Variants in KLHL4 observed in about 807,000 individuals in gnomAD.
KLHL4 encodes kelch-like protein 4.
In KLHL4, 17 loss-of-function variants were observed where a neutral mutation model predicts 45.8. The observed-to-expected ratio is 0.37, with a 90% CI of 0.25 to 0.56. The LOEUF (loss-of-function observed/expected upper bound fraction) is 0.56. Ranked by LOEUF, KLHL4 falls within the 20% of genes least tolerant of loss-of-function variation. The probability of loss-of-function intolerance (pLI) is 0.79; values close to 1 mark genes in which losing one functional copy is unlikely to be tolerated. For synonymous variants in KLHL4, 224 were observed against 189.9 expected (o/e 1.18, Z -1.47); for missense variants, 544 against 544.9 (o/e 1.00, Z 0.02).
At chrX:87,575,283 T>C (rs113627379) in intron 1 of KLHL4, among the ~76,000 whole-genome samples, 115 of 111,381 alleles carry the variant, frequency 1.0e-3, no homozygotes, top group African/African-American at 3.3e-3. Flanking sequence ...GCAGCAGCAT[T>C]AGATTCTCAT....
intron 1 of KLHL4, among the ~76,000 whole-genome samples, chrX:87,566,623 ATATG>A (rs1932216882): frequency 9.0e-6 from 1 of 111,595 alleles, no homozygotes; most frequent in Non-Finnish European, 1.9e-5. Context: ...TTGCTACTGA[ATATG>A]TATCACTGTT....
chrX:87,518,072 A>G lies in KLHL4; in HGVS notation c.179A>G (p.Asn60Ser). 1 of 1,211,674 alleles carries G rather than the reference A, an allele frequency of 8.3e-7. No individual in the cohort carries two copies. The highest frequency in any genetic ancestry group is 1.1e-6 in the Non-Finnish European group (1 of 895,474). Reference sequence around the variant, plus strand: ...TTGAAGAGCCACTCTCGGGACAGAAACGGACTGAAGAAAAGCAACAGTCCT... The same window carrying G: ...TTGAAGAGCCACTCTCGGGACAGAAGCGGACTGAAGAAAAGCAACAGTCCT... The part of the protein sequence containing the change: ...GRLKSHSRDR[N>S]GLKKSNSPVH... Residue 60 changes from asparagine to serine, a missense_variant, in exon 1 of 11, where the codon AAC (asparagine) becomes AGC (serine). Physicochemically the swap from Asn to Ser is conservative, Grantham distance 46. Coordinates refer to ENST00000373119, the MANE Select transcript of KLHL4 (RefSeq NM_019117.5).
chrX:87,561,409 G>A (rs1291319614), intron 1 of KLHL4, among the ~76,000 whole-genome samples: 1 of 111,337 alleles, frequency 9.0e-6, no homozygotes, highest in Non-Finnish European at 1.9e-5. Flanking sequence ...ACATTGGAAC[G>A]CAGTGCCGAC....
rs5969273 is a variant in KLHL4, at chrX:87,637,733, G to A, written c.1925+1958G>A. 6.9e-3 allele frequency among the ~76,000 whole-genome samples: 773 copies of A among 111,720 alleles called. 7 individuals are homozygous for A. Among genetic ancestry groups the A allele is most frequent in the African/African-American group, 0.024 (730 of 30,713 alleles). ...GAAGGTCAAAGTTGGAGGATCATCT[G>A]AGATCAGGAGTTTGAGACCAGCCTG... On this transcript the variant is annotated intron_variant, in intron 9 of 10. Coordinates refer to ENST00000373119, the MANE Select transcript of KLHL4 (RefSeq NM_019117.5).
intron 1 of KLHL4, among the ~76,000 whole-genome samples, chrX:87,602,216 GTAAC>G (rs1922041930): frequency 9.0e-6 from 1 of 110,736 alleles, no homozygotes; most frequent in Non-Finnish European, 1.9e-5. Context: ...TTAGCTTACT[GTAAC>G]TAAATAAGCT....
In KLHL4 at chrX:87,518,132, C is replaced by T. The variant is rs745611108; in HGVS notation, c.239C>T (p.Pro80Leu). ...HHNILAPVPG[P>L]APAHQRAVQN... ...AATATACTGGCACCAGTGCCAGGACCGGCCCCTGCCCATCAGAGAGCCGTT... is the reference window on the plus strand; with the variant it reads ...AATATACTGGCACCAGTGCCAGGACTGGCCCCTGCCCATCAGAGAGCCGTT... Residue 80 changes from proline (P) to leucine (L), a missense_variant, in exon 1 of 11, where the codon CCG becomes CTG. Coordinates refer to ENST00000373119, the MANE Select transcript of KLHL4 (RefSeq NM_019117.5). 3 of 1,211,669 alleles carry T rather than the reference C, an allele frequency of 2.5e-6. No individual in the cohort carries two copies. Among genetic ancestry groups the T allele is most frequent in the Admixed American group, 4.3e-5 (2 of 46,001 alleles).
In KLHL4 at chrX:87,586,814, A is replaced by G. The variant is rs779848184; in HGVS notation, c.423-27063A>G. Among the ~76,000 whole-genome samples, 11 of 111,540 alleles carry G rather than the reference A, an allele frequency of 9.9e-5. No individual in the cohort carries two copies. In the East Asian group the frequency reaches 2.8e-3, roughly 28 times the overall value. On this transcript the variant is annotated intron_variant, in intron 1 of 10. Transcript: ENST00000373119. ...AAATGACATTGAAATGCAAACCACA[A>G]TACAAAAGATCAATGAAACAAGAAT...
intron 3 of KLHL4, among the ~76,000 whole-genome samples, chrX:87,617,389 T>G (rs1355754504): frequency 9.0e-6 from 1 of 110,699 alleles, no homozygotes; most frequent in Non-Finnish European, 1.9e-5. Flanking sequence ...GTGTTCTTCT[T>G]ACAAAATAAA....
At position 87,645,777 on chromosome X, in the gene KLHL4, A is replaced by C; in HGVS notation, c.1925+10002A>C. Among the ~76,000 whole-genome samples, 3 of 111,753 alleles carry C rather than the reference A, an allele frequency of 2.7e-5. No homozygotes were observed. In the South Asian group the frequency reaches 1.1e-3, roughly 42 times the overall value. ...AACCTGGATGAGATTGGAGACTATT[A>C]TTCTAAGTAAAGTAACTCAGGAATG... On this transcript the variant is annotated intron_variant, in intron 9 of 10. Transcript: ENST00000373119.
rs777720551 is a variant in KLHL4, at chrX:87,632,309, A to G, written c.1424A>G (p.Asp475Gly). 8.3e-7 allele frequency: 1 copy of G among 1,208,911 alleles called. No individual in the cohort carries two copies. The highest frequency in any genetic ancestry group is 1.1e-6 in the Non-Finnish European group (1 of 892,921). The change falls in exon 7 of 11, where the codon GAT (aspartate) becomes GGT (glycine). Residue 475 changes from aspartate to glycine, a missense_variant. Coordinates refer to ENST00000373119, the MANE Select transcript of KLHL4 (RefSeq NM_019117.5). ...RRLQFGVAVI[D>G]NKLYVVGGRD... ...CTTCAATTTGGAGTCGCAGTTATTGATAATAAGCTCTATGTCGTGGGAGGA... is the reference window on the plus strand; with the variant it reads ...CTTCAATTTGGAGTCGCAGTTATTGGTAATAAGCTCTATGTCGTGGGAGGA...
chrX:87,574,786 A>T (rs192548016), intron 1 of KLHL4, among the ~76,000 whole-genome samples: 45 of 111,957 alleles, frequency 4.0e-4, no homozygotes, highest in Non-Finnish European at 7.7e-4. Flanking sequence ...AAAATCTTCC[A>T]TTTATTAACT....
Position 87,632,334 on chromosome X carries a change from A to T in KLHL4, c.1449A>T (p.Gly483=). 1 of 1,210,063 alleles carries T rather than the reference A, an allele frequency of 8.3e-7. No homozygotes were observed. ...VIDNKLYVVG[G]RDGLKTLNTV... ...ATAATAAGCTCTATGTCGTGGGAGG[A>T]AGAGACGGTTTAAAAACTTTGAATA... Residue 483 remains glycine, a synonymous_variant, in exon 7 of 11, where the codon GGA becomes GGT. Transcript: ENST00000373119.
intron 1 of KLHL4, among the ~76,000 whole-genome samples, chrX:87,586,681 A>T (rs1436969265): frequency 2.7e-5 from 3 of 111,132 alleles, no homozygotes; most frequent in Non-Finnish European, 5.7e-5. Context: ...AAGAGGAAAA[A>T]TTTCAAATAA....
At chrX:87,654,432 C>G (rs994435611) in intron 9 of KLHL4, among the ~76,000 whole-genome samples, 1 of 111,332 alleles carries the variant, frequency 9.0e-6, no homozygotes, top group Non-Finnish European at 1.9e-5. Context: ...TTGTTTAAGA[C>G]ATGATTATTT....
chrX:87,618,675 A>G (rs1247363123), intron 4 of KLHL4, among the ~76,000 whole-genome samples: 1 of 110,154 alleles, frequency 9.1e-6, no homozygotes, highest in East Asian at 2.8e-4. Context: ...TTTTTTTTGT[A>G]TTTTTAGTAG....
intron 1 of KLHL4, among the ~76,000 whole-genome samples, chrX:87,532,884 G>C (rs1320775172): frequency 9.0e-6 from 1 of 110,716 alleles, no homozygotes; most frequent in Non-Finnish European, 1.9e-5. Context: ...CCATCAAAAA[G>C]TGGGCAAAGG....
In KLHL4 at chrX:87,614,481, A is replaced by G. The variant is rs1419183521; in HGVS notation, c.638A>G (p.Asn213Ser). ...VSDYFAAMFT[N>S]DVLEAKQEEV... ...GATTATTTTGCTGCAATGTTTACTA[A>G]TGATGTGCTTGAAGCCAAACAAGAA... The change falls in exon 3 of 11, where the codon AAT (asparagine) becomes AGT (serine). Residue 213 changes from asparagine (N) to serine (S), a missense_variant. Physicochemically the swap from Asn to Ser is conservative, Grantham distance 46. Coordinates refer to ENST00000373119, the MANE Select transcript of KLHL4 (RefSeq NM_019117.5). 26 of 1,206,495 alleles carry G rather than the reference A, an allele frequency of 2.2e-5. No homozygotes were observed. Among genetic ancestry groups the G allele is most frequent in the Non-Finnish European group, 2.5e-5 (22 of 892,682 alleles).
chrX:87,603,798 C>G (rs1450291475), intron 1 of KLHL4, among the ~76,000 whole-genome samples: 1 of 110,263 alleles, frequency 9.1e-6, no homozygotes, highest in African/African-American at 3.3e-5. Flanking sequence ...TAACCACACT[C>G]ACTCTACTGT....
chrX:87,666,361 G>T, intron 10 of KLHL4, 114 bp from the exon 11 acceptor site: 1 of 644,348 alleles, frequency 1.6e-6, no homozygotes. Context: ...CTTTAGACAA[G>T]GTGATGTTAG....
Sources: allele counts gnomAD v4.1 joint callset (sites outside exome capture counted in the v4.1 genomes callset), GRCh38; gene constraint gnomAD v4.1.1; transcripts MANE v1.5; gene names NCBI Gene and HGNC (gene_info 2026-07-23, HGNC 2026-07-21).